Variants in PDZD2 observed in about 807,000 individuals in gnomAD.
PDZD2 encodes the protein PDZ domain-containing protein 2.
PDZD2 carries 90 observed loss-of-function variants against 220.7 expected under a neutral mutation model. The observed-to-expected ratio is 0.41, with a 90% CI of 0.34 to 0.49. The LOEUF (loss-of-function observed/expected upper bound fraction) is 0.49, where lower values mean the gene tolerates loss of function less well. Ranked by LOEUF, PDZD2 falls within the 20% of genes least tolerant of loss-of-function variation. The pLI is 0.28. For missense variants in PDZD2, 3,174 were observed against 3,608.5 expected (o/e 0.88, Z 3.08); for synonymous variants, 1,375 against 1,450.5 (o/e 0.95, Z 1.18).
At chr5:32,048,867 G>A (rs955881782) in intron 8 of PDZD2, among the ~76,000 whole-genome samples, 183 bp downstream of exon 8, 2 of 152,140 alleles carry the variant, frequency 1.3e-5, no homozygotes, top group Non-Finnish European at 2.9e-5. Context: ...AAAATAGTGG[G>A]GGGAAAATCC....
intron 1 of PDZD2, among the ~76,000 whole-genome samples, chr5:31,780,524 T>C (rs759765019): frequency 5.9e-5 from 9 of 152,182 alleles, no homozygotes; most frequent in Non-Finnish European, 1.3e-4. Flanking sequence ...CCAGTGTCTA[T>C]AGAGAAATAA....
At chr5:32,064,739 G>A (rs1478474437) in intron 14 of PDZD2, among the ~76,000 whole-genome samples, 4 of 152,030 alleles carry the variant, frequency 2.6e-5, no homozygotes, top group Non-Finnish European at 5.9e-5. Flanking sequence ...AGGCCAAGGT[G>A]GGTGGATCAC....
chr5:31,742,940 A>G (rs894647273), intron 1 of PDZD2, among the ~76,000 whole-genome samples: 1 of 152,186 alleles, frequency 6.6e-6, no homozygotes, highest in Non-Finnish European at 1.5e-5. Flanking sequence ...TTTTTCTGCT[A>G]TGTGTTATTT....
chr5:31,934,331 G>T (rs1309165081), intron 2 of PDZD2, among the ~76,000 whole-genome samples: 2 of 152,088 alleles, frequency 1.3e-5, no homozygotes, highest in African/African-American at 2.4e-5. Context: ...CAACTTTCAG[G>T]CCTCTTGAAT....
At chr5:31,881,489 T>C (rs1739922457) in intron 2 of PDZD2, among the ~76,000 whole-genome samples, 1 of 151,660 alleles carries the variant, frequency 6.6e-6, no homozygotes, top group South Asian at 2.1e-4. Flanking sequence ...GCCATTCTCC[T>C]GCCTCAGCCT....
chr5:31,652,088 C>T (rs1745374506), intron 1 of PDZD2, among the ~76,000 whole-genome samples: 1 of 151,342 alleles, frequency 6.6e-6, no homozygotes, highest in Admixed American at 6.6e-5. Context: ...GCCTTGGCCT[C>T]CCAAGATGTT....
chr5:32,102,090 T>C (rs994208672), intron 24 of PDZD2, among the ~76,000 whole-genome samples: 1 of 152,140 alleles, frequency 6.6e-6, no homozygotes, highest in African/African-American at 2.4e-5. Flanking sequence ...CTCTCTCCAC[T>C]CTTGACCTAT....
chr5:31,794,321 T>A (rs574321990), intron 1 of PDZD2, among the ~76,000 whole-genome samples: 1 of 152,138 alleles, frequency 6.6e-6, no homozygotes, highest in South Asian at 2.1e-4. Flanking sequence ...ACCCAGCACA[T>A]GATAGACACT....
intron 2 of PDZD2, among the ~76,000 whole-genome samples, chr5:31,881,912 T>C (rs1739964608): frequency 2.0e-5 from 3 of 151,548 alleles, no homozygotes; most frequent in Admixed American, 1.3e-4. Context: ...AGAGACGGGG[T>C]TTCTCCACGT....
chr5:31,936,655 G>GAC (rs1745761182), intron 2 of PDZD2, among the ~76,000 whole-genome samples: 1 of 152,150 alleles, frequency 6.6e-6, no homozygotes, highest in South Asian at 2.1e-4. Flanking sequence ...ATGAACTGCA[G>GAC]ACACTGTGTT....
At chr5:31,658,197 C>T (rs1184677670) in intron 1 of PDZD2, among the ~76,000 whole-genome samples, 4 of 152,134 alleles carry the variant, frequency 2.6e-5, no homozygotes, top group Non-Finnish European at 5.9e-5. Context: ...CCCCAGTCAC[C>T]CCAGGGTCTA....
At position 31,983,230 on chromosome 5, in the gene PDZD2, C is replaced by T; in HGVS notation, c.552C>T (p.His184=). The change falls in exon 3 of 25, where the codon CAC becomes CAT. Residue 184 remains histidine (H), a synonymous_variant. Coordinates refer to ENST00000438447, the MANE Select transcript of PDZD2 (RefSeq NM_178140.4). ...TGCGTCGCTTTAAGCACAAAGCCCACTCCACTTATAATGGCAACAGTAGCA... is the reference window on the plus strand; with the variant it reads ...TGCGTCGCTTTAAGCACAAAGCCCATTCCACTTATAATGGCAACAGTAGCA... The part of the protein sequence containing the change: ...IMLRRFKHKA[H]STYNGNSSNS... 1 of 1,614,196 alleles carries T rather than the reference C, an allele frequency of 6.2e-7. No individual in the cohort carries two copies.
chr5:31,915,788 T>G (rs1284312298), intron 2 of PDZD2, among the ~76,000 whole-genome samples: 1 of 152,252 alleles, frequency 6.6e-6, no homozygotes, highest in African/African-American at 2.4e-5. Flanking sequence ...AATATCCACT[T>G]GGCCTTTCTA....
At chr5:31,839,784 G>A (rs998374096) in intron 2 of PDZD2, among the ~76,000 whole-genome samples, 1 of 152,080 alleles carries the variant, frequency 6.6e-6, no homozygotes, top group Non-Finnish European at 1.5e-5. Context: ...TGAATAATGG[G>A]GGCAGTTAAC....
In PDZD2 at chr5:31,785,763, A is replaced by G. The variant is rs76473688; in HGVS notation, c.-360-13126A>G. On this transcript the variant is annotated intron_variant, in intron 1 of 24. Coordinates refer to ENST00000438447, the MANE Select transcript of PDZD2 (RefSeq NM_178140.4). Reference sequence around the variant, plus strand: ...GCCCAGCCCTGTCTTTTAACTGTGCACATGCCCCTACCACAGCAGGATCTA... The same window carrying G: ...GCCCAGCCCTGTCTTTTAACTGTGCGCATGCCCCTACCACAGCAGGATCTA... Among the ~76,000 whole-genome samples, 538 of 152,094 alleles carry G rather than the reference A, an allele frequency of 3.5e-3. 6 individuals carry two copies. The highest frequency in any genetic ancestry group is 0.012 in the African/African-American group (510 of 41,474).
chr5:31,766,939 G>A lies in PDZD2; in HGVS notation c.-360-31950G>A, dbSNP rs190423711. Among the ~76,000 whole-genome samples the A allele has an allele frequency of 8.4e-4, 126 of 150,834 alleles. 1 individual carries two copies. Among genetic ancestry groups the A allele is most frequent in the African/African-American group, 2.9e-3 (119 of 40,972 alleles). On this transcript the variant is annotated intron_variant, in intron 1 of 24. Coordinates refer to ENST00000438447, the MANE Select transcript of PDZD2 (RefSeq NM_178140.4). ...GACTGGGTTTCATCATGTTGGGCAG[G>A]CTGTTCTCCAACTCCTGACCTCAGG...
chr5:32,086,358 G>A (rs550321368), intron 19 of PDZD2, among the ~76,000 whole-genome samples: 2 of 152,298 alleles, frequency 1.3e-5, no homozygotes, highest in South Asian at 2.1e-4. Context: ...AGAGCCTGAC[G>A]CTTGCGGCTT....
rs869296191 is a variant in PDZD2, at chr5:31,790,691, A to ATTTTTTTTTT, written c.-360-8182_-360-8173dup. On this transcript the variant is annotated intron_variant, in intron 1 of 24. Transcript: ENST00000438447. ...CTTAGAATCCGCACCTATCTCTCTA[A>ATTTTTTTTTT]TTTTTTTTTTTTTTTTTTTTTTTTT... 6.6e-5 allele frequency among the ~76,000 whole-genome samples: 5 copies of ATTTTTTTTTT among 75,498 alleles called. 1 individual carries two copies. Among genetic ancestry groups the ATTTTTTTTTT allele is most frequent in the Non-Finnish European group, 1.0e-4 (4 of 38,920 alleles). 49.5% of individuals were successfully genotyped at this position (75,498 alleles called of 152,430 possible).
In PDZD2 at chr5:31,880,780, CTTTTTTTTTTCTTTTTTTTT is replaced by C. The variant is rs1739795227; in HGVS notation, c.476+81067_476+81086del. ...AGACACAGAGTAGAAAGGTAGCTTT[CTTTTTTTTTTCTTTTTTTTT>C]TTTTTTTTTTTTTTTTTTGAGATGA... On this transcript the variant is annotated intron_variant, in intron 2 of 24. Coordinates refer to ENST00000438447, the MANE Select transcript of PDZD2 (RefSeq NM_178140.4). Among the ~76,000 whole-genome samples the C allele has an allele frequency of 1.6e-4, 7 of 42,780 alleles. 1 individual carries two copies. In the South Asian group the frequency reaches 6.3e-3, roughly 39 times the overall value. 28.1% of individuals were successfully genotyped at this position (42,780 alleles called of 152,430 possible).
Sources: allele counts gnomAD v4.1 joint callset (sites outside exome capture counted in the v4.1 genomes callset), GRCh38; gene constraint gnomAD v4.1.1; transcripts MANE v1.5; gene names NCBI Gene and HGNC (gene_info 2026-07-23, HGNC 2026-07-21).